The following CELF2 variants were observed in gnomAD, a reference collection of about 807,000 sequenced individuals.
CELF2 encodes the protein CUGBP Elav-like family member 2, also known as CUG triplet repeat RNA-binding protein 2.
In CELF2, 8 loss-of-function variants were observed where a neutral mutation model predicts 62.6. That is an observed-to-expected ratio of 0.13 (90% CI 0.07 to 0.23). CELF2 has a LOEUF of 0.23. Ranked by LOEUF, CELF2 falls within the 10% of genes least tolerant of loss-of-function variation. CELF2 has a pLI of 1.00. For synonymous variants in CELF2, 258 were observed against 250.0 expected (o/e 1.03, Z -0.30); for missense variants, 333 against 671.0 (o/e 0.50, Z 5.56).
chr10:10,600,551 A>C, the CELF2 span, among the ~76,000 whole-genome samples: 1 of 152,350 alleles, frequency 6.6e-6, no homozygotes, highest in South Asian at 2.1e-4. Flanking sequence ...AGGAAGCATA[A>C]AATCTGGGTG....
chr10:10,563,002 C>T, the CELF2 span, among the ~76,000 whole-genome samples: 1 of 152,140 alleles, frequency 6.6e-6, no homozygotes, highest in African/African-American at 2.4e-5. Context: ...TTCCTCCTCC[C>T]CACCTTCTCT....
chr10:10,530,910 C>A, the CELF2 span, among the ~76,000 whole-genome samples: 6 of 152,230 alleles, frequency 3.9e-5, no homozygotes, highest in Admixed American at 3.9e-4. Flanking sequence ...TAGGCGTAAA[C>A]CAGAGGGTGG....
intron 1 of CELF2, among the ~76,000 whole-genome samples, chr10:11,076,781 A>T (rs2072091456): frequency 6.6e-6 from 1 of 152,206 alleles, no homozygotes; most frequent in Admixed American, 6.5e-5. Flanking sequence ...AGCCTTAGGA[A>T]AATTTAAATC....
At chr10:11,043,153 T>A (rs1454082237) in intron 1 of CELF2, among the ~76,000 whole-genome samples, 1 of 152,202 alleles carries the variant, frequency 6.6e-6, no homozygotes, top group Non-Finnish European at 1.5e-5. Context: ...ACTTGCTGCA[T>A]CCTTGGCAAC....
the CELF2 span, among the ~76,000 whole-genome samples, chr10:10,653,264 A>G: frequency 6.6e-6 from 1 of 151,984 alleles, no homozygotes; most frequent in Non-Finnish European, 1.5e-5. Flanking sequence ...ACACATTCAT[A>G]ATGGGAGACT....
intron 2 of CELF2, among the ~76,000 whole-genome samples, chr10:11,180,389 G>A (rs775581766): frequency 5.9e-5 from 9 of 152,118 alleles, no homozygotes; most frequent in East Asian, 3.9e-4. Flanking sequence ...ACTTCCCCAC[G>A]CCTCTGCTTC....
intron 1 of CELF2, among the ~76,000 whole-genome samples, chr10:11,095,999 C>T (rs1450172622): frequency 6.6e-6 from 1 of 152,120 alleles, no homozygotes; most frequent in Non-Finnish European, 1.5e-5. Context: ...GGACACCTAC[C>T]TCGCATCCAT....
the CELF2 span, among the ~76,000 whole-genome samples, chr10:10,774,881 TTA>T: frequency 2.3e-5 from 3 of 131,042 alleles, no homozygotes; most frequent in Admixed American, 7.9e-5. Flanking sequence ...TTTTATTTAT[TTA>T]TTTTTTTTTT....
At chr10:11,251,499 A>G (rs928778634) in intron 4 of CELF2, among the ~76,000 whole-genome samples, 10 of 152,042 alleles carry the variant, frequency 6.6e-5, no homozygotes, top group Non-Finnish European at 4.4e-5. Flanking sequence ...CACAGAAGCC[A>G]AGGAGGACCG....
upstream of CELF2, chr10:11,005,206 T>C: frequency 6.8e-7 from 1 of 1,466,940 alleles, no homozygotes; most frequent in East Asian, 2.4e-5. This position sits in a 1 kb window ranked among gnomAD's most constrained non-coding sequence, Gnocchi z 4.3. Flanking sequence ...CCCCTTGCTC[T>C]ACTATTCAGC....
intron 1 of CELF2, among the ~76,000 whole-genome samples, chr10:11,131,177 A>G (rs879268301): frequency 1.3e-5 from 2 of 152,224 alleles, no homozygotes; most frequent in Non-Finnish European, 1.5e-5. Flanking sequence ...TGGGCGTGAT[A>G]TCGATTGCTT....
chr10:10,725,898 T>TAA, the CELF2 span, among the ~76,000 whole-genome samples: 5 of 145,506 alleles, frequency 3.4e-5, no homozygotes, highest in South Asian at 6.6e-4. Context: ...ATTCTACAAT[T>TAA]AAAAAAAAAA....
At chr10:10,600,027 G>C in the CELF2 span, among the ~76,000 whole-genome samples, 1 of 152,020 alleles carries the variant, frequency 6.6e-6, no homozygotes, top group African/African-American at 2.4e-5. Context: ...CACCGAGCCC[G>C]GCCTCTGCCC....
chr10:10,871,011 T>G (rs7068620), intron 1 of CELF2, among the ~76,000 whole-genome samples: 44,556 of 151,188 alleles, frequency 0.29, 7,981 homozygotes, highest in East Asian at 0.73. Context: ...AGCAACTCCC[T>G]GCTGTTGCGC....
the CELF2 span, among the ~76,000 whole-genome samples, chr10:10,472,763 C>T: frequency 1.3e-5 from 2 of 151,930 alleles, no homozygotes; most frequent in Non-Finnish European, 2.9e-5. Flanking sequence ...TTTGTCTTCT[C>T]GTTGGTGTGC....
At chr10:10,778,708 T>C in the CELF2 span, among the ~76,000 whole-genome samples, 1 of 152,170 alleles carries the variant, frequency 6.6e-6, no homozygotes, top group African/African-American at 2.4e-5. Flanking sequence ...TAAATATATG[T>C]AAAAAATGAA....
chr10:10,665,537 C>T, the CELF2 span, among the ~76,000 whole-genome samples: 1 of 152,050 alleles, frequency 6.6e-6, no homozygotes, highest in African/African-American at 2.4e-5. Context: ...CGTTGTCCAC[C>T]CTGGACATAG....
intron 1 of CELF2, among the ~76,000 whole-genome samples, chr10:11,038,540 A>G (rs900393497): frequency 1.3e-5 from 2 of 152,238 alleles, no homozygotes; most frequent in African/African-American, 4.8e-5. Context: ...TCAAAAGAGT[A>G]GTAGTTATGG....
intron 2 of CELF2, among the ~76,000 whole-genome samples, chr10:10,961,578 C>G (rs1023381323): frequency 6.7e-6 from 1 of 150,370 alleles, no homozygotes; most frequent in East Asian, 2.0e-4. Flanking sequence ...AAAACCCCAT[C>G]TTTACTAAAA....
Sources: allele counts gnomAD v4.1 joint callset (sites outside exome capture counted in the v4.1 genomes callset), GRCh38; gene constraint gnomAD v4.1.1; non-coding constraint Gnocchi (gnomAD v3.1); transcripts MANE v1.5; gene names NCBI Gene and HGNC (gene_info 2026-07-23, HGNC 2026-07-21).